The following DLG2 variants were observed in gnomAD, a reference collection of about 807,000 sequenced individuals.
DLG2 encodes the protein discs large MAGUK scaffold protein 2, also known as disks large homolog 2.
DLG2 carries 45 observed loss-of-function variants against 132.5 expected under a neutral mutation model. The ratio of observed to expected loss-of-function variants is 0.34; its 90% confidence interval spans 0.27 to 0.44. The LOEUF (loss-of-function observed/expected upper bound fraction) is 0.44. Ranked by LOEUF, DLG2 falls within the 20% of genes least tolerant of loss-of-function variation. The pLI is 1.00. For synonymous variants in DLG2, 424 were observed against 419.6 expected (o/e 1.01, Z -0.13); for missense variants, 1,045 against 1,196.9 (o/e 0.87, Z 1.87).
chr11:85,205,405 G>T lies in DLG2; in HGVS notation c.187-50754C>A, dbSNP rs74723328. ...AGAAGGCTATAAGGGAAAGGAGGTT[G>T]AAGAGAAGCTGGTAAATAGGTACAA... On this transcript the variant is annotated intron_variant, in intron 4 of 27. Coordinates refer to ENST00000376104, the MANE Select transcript of DLG2 (RefSeq NM_001142699.3). 9.5e-3 allele frequency among the ~76,000 whole-genome samples: 1,447 copies of T among 152,072 alleles called. 19 individuals carry two copies. Among genetic ancestry groups the T allele is most frequent in the African/African-American group, 0.032 (1,308 of 41,510 alleles).
intron 4 of DLG2, among the ~76,000 whole-genome samples, chr11:85,280,459 TTGTTC>T (rs2078157304): frequency 6.6e-6 from 1 of 152,094 alleles, no homozygotes; most frequent in Non-Finnish European, 1.5e-5. Context: ...TTACTCTTGA[TTGTTC>T]TGCTATACCA....
chr11:84,173,513 A>C (rs2095869373), intron 8 of DLG2, among the ~76,000 whole-genome samples: 1 of 152,208 alleles, frequency 6.6e-6, no homozygotes, highest in African/African-American at 2.4e-5. Context: ...CAAAGCACAT[A>C]GCCAAAATAT....
intron 7 of DLG2, among the ~76,000 whole-genome samples, chr11:84,279,132 CA>C (rs1172344721): frequency 1.3e-5 from 2 of 152,094 alleles, no homozygotes; most frequent in Non-Finnish European, 2.9e-5. Flanking sequence ...AAAAAACAAA[CA>C]ACCCCATCAA....
Position 84,534,708 on chromosome 11 carries a change from G to A in DLG2, c.381C>T (p.Asp127=), listed in dbSNP as rs149841754. ...GAGGTAAGGAATGATCATGTGGAGC[G>A]TCCTCATCTTGATATCGATACTTCT... ...HCTKYRYQDE[D]APHDHSLPRL... is the part of the protein sequence containing the mutation. Residue 127 remains aspartate, a synonymous_variant, in exon 7 of 28, where the codon GAC becomes GAT. Transcript: ENST00000376104. 68 of 1,613,954 alleles carry A rather than the reference G, an allele frequency of 4.2e-5. No individual in the cohort carries two copies. Among genetic ancestry groups the A allele is most frequent in the South Asian group, 2.6e-4 (24 of 91,070 alleles).
At chr11:84,942,718 T>G (rs1222132937) in intron 6 of DLG2, among the ~76,000 whole-genome samples, 1 of 152,230 alleles carries the variant, frequency 6.6e-6, no homozygotes, top group Non-Finnish European at 1.5e-5. Flanking sequence ...GGAACTGTTC[T>G]GTAAACGTGT....
intron 6 of DLG2, among the ~76,000 whole-genome samples, chr11:84,894,940 G>C (rs2089984967): frequency 6.6e-6 from 1 of 152,128 alleles, no homozygotes; most frequent in Non-Finnish European, 1.5e-5. Flanking sequence ...CAGGCAAAGG[G>C]GGCTCCACGG....
At chr11:85,065,251 A>C (rs1408025487) in intron 6 of DLG2, among the ~76,000 whole-genome samples, 1 of 151,510 alleles carries the variant, frequency 6.6e-6, no homozygotes, top group African/African-American at 2.4e-5. Context: ...CTCTCTGTGG[A>C]GCTATCTTAA....
intron 6 of DLG2, among the ~76,000 whole-genome samples, chr11:84,851,818 TTTTA>T (rs1364211391): frequency 1.3e-5 from 2 of 151,850 alleles, no homozygotes; most frequent in Admixed American, 1.3e-4. Context: ...TTCAAAGTAT[TTTTA>T]TTTAAATTAT....
At chr11:85,539,836 A>G (rs1273904182) in intron 3 of DLG2, among the ~76,000 whole-genome samples, 1 of 152,220 alleles carries the variant, frequency 6.6e-6, no homozygotes, top group Admixed American at 6.5e-5. Flanking sequence ...GATGAAGGAA[A>G]ATGGAAATGG....
At chr11:84,705,429 T>C (rs1489299136) in intron 6 of DLG2, among the ~76,000 whole-genome samples, 1 of 151,734 alleles carries the variant, frequency 6.6e-6, no homozygotes, top group South Asian at 2.1e-4. Flanking sequence ...TTCAGTTCTA[T>C]TGAAGACACT....
At chr11:85,467,735 C>A (rs146546275) in intron 3 of DLG2, among the ~76,000 whole-genome samples, 3 of 152,138 alleles carry the variant, frequency 2.0e-5, no homozygotes, top group Admixed American at 6.6e-5. Context: ...AGGATTTTTG[C>A]ATCGATGTTC....
chr11:85,132,774 G>T (rs1446571553), intron 5 of DLG2: 1 of 456,452 alleles, frequency 2.2e-6, no homozygotes, highest in Non-Finnish European at 4.4e-6. Context: ...CTACCTTTGT[G>T]GTGACAATGC....
intron 3 of DLG2, among the ~76,000 whole-genome samples, chr11:85,525,738 G>A (rs1446836148): frequency 6.6e-6 from 1 of 152,140 alleles, no homozygotes; most frequent in East Asian, 1.9e-4. Context: ...TTACTGCCAG[G>A]AGAATATTTT....
chr11:85,382,438 A>G (rs1190265269), intron 3 of DLG2, among the ~76,000 whole-genome samples: 1 of 152,094 alleles, frequency 6.6e-6, no homozygotes, highest in African/African-American at 2.4e-5. Flanking sequence ...TTAAGCGTAA[A>G]CCTCATGACC....
intron 6 of DLG2, among the ~76,000 whole-genome samples, chr11:84,561,021 G>C (rs1592379493): frequency 6.6e-6 from 1 of 151,996 alleles, no homozygotes; most frequent in South Asian, 2.1e-4. Flanking sequence ...CTGGTATGGG[G>C]AGGCAAATGT....
rs79500352 is a variant in DLG2, at chr11:84,806,494, C to T, written c.358-271763G>A. On this transcript the variant is annotated intron_variant, in intron 6 of 27. Coordinates refer to ENST00000376104, the MANE Select transcript of DLG2 (RefSeq NM_001142699.3). Reference sequence around the variant, plus strand: ...CTTTGAATGACAGCAGATTTCTCATCAGAAAACATTTTAGAGGTTATATGG... The same window carrying T: ...CTTTGAATGACAGCAGATTTCTCATTAGAAAACATTTTAGAGGTTATATGG... Among the ~76,000 whole-genome samples, 1,506 of 152,200 alleles carry T rather than the reference C, an allele frequency of 9.9e-3. 27 individuals carry two copies. Among genetic ancestry groups the T allele is most frequent in the African/African-American group, 0.035 (1,437 of 41,530 alleles).
intron 6 of DLG2, among the ~76,000 whole-genome samples, chr11:85,076,616 C>T (rs1003323723): frequency 5.3e-5 from 8 of 152,004 alleles, no homozygotes; most frequent in African/African-American, 1.9e-4. Context: ...GCTCAGCACC[C>T]TCTGGGAGAC....
chr11:84,118,046 G>A (rs1409858087), intron 9 of DLG2, among the ~76,000 whole-genome samples: 5 of 151,854 alleles, frequency 3.3e-5, no homozygotes, highest in South Asian at 2.1e-4. Flanking sequence ...TAGTAGAGAC[G>A]GGGTTTCACC....
At chr11:83,794,918 G>A (rs2042422442) in intron 17 of DLG2, among the ~76,000 whole-genome samples, 1 of 152,130 alleles carries the variant, frequency 6.6e-6, no homozygotes, top group Non-Finnish European at 1.5e-5. Context: ...CAAGCTCCCT[G>A]AGACTGGCAG....
Sources: gnomAD v4.1 joint callset for allele counts (sites outside exome capture counted in the v4.1 genomes callset) on GRCh38, gnomAD v4.1.1 for gene constraint, MANE v1.5 for transcripts, NCBI Gene and HGNC (gene_info 2026-07-23, HGNC 2026-07-21) for gene names.